The following CFAP54 variants were observed in gnomAD, a reference collection of about 807,000 sequenced individuals.
CFAP54 encodes cilia and flagella associated protein 54, also known as cilia- and flagella-associated protein 54.
In CFAP54, 290 loss-of-function variants were observed where a neutral mutation model predicts 370.4. The ratio of observed to expected loss-of-function variants is 0.78; its 90% CI spans 0.71 to 0.86. CFAP54 has a LOEUF of 0.86. CFAP54 is among the 40% of genes least tolerant of loss of function. The probability of loss-of-function intolerance (pLI) is 0.00; values close to 1 mark genes in which losing one functional copy is unlikely to be tolerated. For synonymous variants in CFAP54, 1,206 were observed against 1,236.5 expected (o/e 0.98, Z 0.52); for missense variants, 3,399 against 3,528.7 (o/e 0.96, Z 0.93).
chr12:96,617,882 C>G (rs369491868), intron 26 of CFAP54, among the ~76,000 whole-genome samples: 1 of 149,786 alleles, frequency 6.7e-6, no homozygotes, highest in Admixed American at 6.7e-5. Flanking sequence ...CCCAGCTACT[C>G]GGGAGGCTGA....
chr12:96,664,785 A>ATCTATATCTATATC (rs1565934533), intron 39 of CFAP54, among the ~76,000 whole-genome samples: 39 of 26,350 alleles, frequency 1.5e-3, no homozygotes, highest in Admixed American at 2.5e-3. Flanking sequence ...ATCTATATAT[A>ATCTATATCTATATC]TATATATATA....
At position 96,657,871 on chromosome 12, in the gene CFAP54, G is replaced by A; in HGVS notation, c.5101-11G>A. 1.3e-6 allele frequency: 2 copies of A among 1,552,140 alleles called. No homozygotes were observed. Among genetic ancestry groups the A allele is most frequent in the Non-Finnish European group, 1.8e-6 (2 of 1,141,012 alleles). On this transcript the variant is annotated splice_polypyrimidine_tract_variant and intron_variant, in intron 36 of 67. Transcript: ENST00000524981. ...AATTACACATTTTTTTTTTCACTGTGCTACTTGCAGCCTATTGAAGACAAA... is the reference window on the plus strand; with the variant it reads ...AATTACACATTTTTTTTTTCACTGTACTACTTGCAGCCTATTGAAGACAAA...
chr12:96,838,027 G>A (rs7971729), intron 66 of CFAP54, among the ~76,000 whole-genome samples: 4,680 of 152,194 alleles, frequency 0.031, 244 homozygotes, highest in African/African-American at 0.1. Context: ...TAAGTTAGTG[G>A]GTGCTCTTAT....
At chr12:96,826,777 A>C (rs1959114854) in intron 65 of CFAP54, among the ~76,000 whole-genome samples, 1 of 112,226 alleles carries the variant, frequency 8.9e-6, no homozygotes, top group South Asian at 2.4e-4. Context: ...ATTATATAAT[A>C]TATAATTATA....
chr12:96,766,990 T>G (rs1177579355), intron 60 of CFAP54, among the ~76,000 whole-genome samples: 2 of 152,144 alleles, frequency 1.3e-5, no homozygotes, highest in Non-Finnish European at 2.9e-5. Context: ...AAAGAGACAG[T>G]GGTTATCTGG....
intron 50 of CFAP54, among the ~76,000 whole-genome samples, chr12:96,725,467 GCTCT>G (rs1413156093): frequency 6.6e-6 from 1 of 151,820 alleles, no homozygotes; most frequent in Non-Finnish European, 1.5e-5. Flanking sequence ...TCATGATTTG[GCTCT>G]CTGTTTGTCT....
chr12:96,746,034 T>C (rs1033055225), intron 55 of CFAP54, among the ~76,000 whole-genome samples: 4 of 152,166 alleles, frequency 2.6e-5, no homozygotes, highest in African/African-American at 9.7e-5. Context: ...TCTGCCTCTC[T>C]CTTTTCTCAG....
At chr12:96,860,696 T>G (rs941941740) in intron 66 of CFAP54, 123 bp from the exon 67 acceptor site, 175 of 986,344 alleles carry the variant, frequency 1.8e-4, no homozygotes, top group Non-Finnish European at 2.0e-4. Flanking sequence ...GTGCCTTACC[T>G]GAGACACACA....
intron 50 of CFAP54, among the ~76,000 whole-genome samples, chr12:96,737,734 C>T (rs898713888): frequency 2.6e-5 from 4 of 152,100 alleles, no homozygotes; most frequent in East Asian, 3.9e-4. Context: ...GTGATATGCC[C>T]GCCTCGGCCT....
chr12:96,786,924 T>C (rs1043413540), intron 62 of CFAP54, 26 bp downstream of exon 62: 3 of 1,447,802 alleles, frequency 2.1e-6, no homozygotes, highest in Non-Finnish European at 2.8e-6. Context: ...ACATGATATA[T>C]TTACATAAAA....
intron 17 of CFAP54, among the ~76,000 whole-genome samples, chr12:96,562,614 G>C (rs1955827731): frequency 6.6e-6 from 1 of 151,556 alleles, no homozygotes. Context: ...TTTTTTAGTA[G>C]AGATGGGGTT....
chr12:96,810,623 A>C (rs1468571235), intron 63 of CFAP54, among the ~76,000 whole-genome samples: 1 of 152,192 alleles, frequency 6.6e-6, no homozygotes, highest in Non-Finnish European at 1.5e-5. Context: ...CCCAAAGGGT[A>C]GACCATAGTT....
At position 96,735,362 on chromosome 12, in the gene CFAP54, C is replaced by T. The variant is rs116436702; in HGVS notation, c.6966-4594C>T. Among the ~76,000 whole-genome samples, 553 of 152,272 alleles carry T rather than the reference C, an allele frequency of 3.6e-3. 4 individuals carry two copies. The highest frequency in any genetic ancestry group is 0.013 in the African/African-American group (530 of 41,540). The stretch of plus-strand genomic sequence containing the variant: ...TCGGGGGCCAGGAAAGAAGAGTGGT[C>T]GCTCTACCTTCTAAGCACATAACTC... On this transcript the variant is annotated intron_variant, in intron 50 of 67. Coordinates refer to ENST00000524981, the MANE Select transcript of CFAP54 (RefSeq NM_001306084.2).
chr12:96,561,923 C>T lies in CFAP54; in HGVS notation c.2411-2545C>T, dbSNP rs566839801. ...GTCTTAGTTTCCCAAGTAGCTGGGA[C>T]TACAGGCATGTGCCAACATGCCCGG... is the stretch of plus-strand genomic sequence containing the variant. On this transcript the variant is annotated intron_variant, in intron 17 of 67. Coordinates refer to ENST00000524981, the MANE Select transcript of CFAP54 (RefSeq NM_001306084.2). 1.3e-4 allele frequency among the ~76,000 whole-genome samples: 19 copies of T among 151,966 alleles called. No homozygotes were observed. In the East Asian group the frequency reaches 2.7e-3, roughly 22 times the overall value.
chr12:96,800,990 G>T (rs1481154591), intron 63 of CFAP54, among the ~76,000 whole-genome samples: 1 of 152,174 alleles, frequency 6.6e-6, no homozygotes, highest in African/African-American at 2.4e-5. Context: ...TTCTTGAAAG[G>T]ATGGTAATGA....
chr12:96,742,603 A>T lies in CFAP54; in HGVS notation c.7219+17A>T, dbSNP rs1341005302. ...TTGTGAAAGGTACAAACATTTGCTT[A>T]ATCAATGTTTTCATAAAAATTAATT... is the stretch of plus-strand genomic sequence containing the variant. On this transcript the variant is annotated intron_variant, in intron 52 of 67. Coordinates refer to ENST00000524981, the MANE Select transcript of CFAP54 (RefSeq NM_001306084.2). The T allele has an allele frequency of 2.5e-6, 4 of 1,600,888 alleles. No homozygotes were observed. Among genetic ancestry groups the T allele is most frequent in the Non-Finnish European group, 3.4e-6 (4 of 1,174,040 alleles).
At chr12:96,779,375 C>T (rs2136688048) in intron 60 of CFAP54, among the ~76,000 whole-genome samples, 1 of 152,096 alleles carries the variant, frequency 6.6e-6, no homozygotes, top group African/African-American at 2.4e-5. Flanking sequence ...TGTGATTCAT[C>T]CTTTTGGTGG....
intron 30 of CFAP54, among the ~76,000 whole-genome samples, chr12:96,628,418 G>A (rs1226320590): frequency 6.6e-6 from 1 of 152,144 alleles, no homozygotes; most frequent in Non-Finnish European, 1.5e-5. Context: ...GGCAAAGACT[G>A]TAGTCTAAAT....
intron 66 of CFAP54, among the ~76,000 whole-genome samples, chr12:96,854,236 A>T (rs1959636203): frequency 6.6e-6 from 1 of 152,184 alleles, no homozygotes; most frequent in Admixed American, 6.5e-5. Flanking sequence ...TAATCATGGT[A>T]AACACATATA....
Sources: allele counts gnomAD v4.1 joint callset (sites outside exome capture counted in the v4.1 genomes callset), GRCh38; gene constraint gnomAD v4.1.1; transcripts MANE v1.5; gene names NCBI Gene and HGNC (gene_info 2026-07-23, HGNC 2026-07-21).